The following ARPP19 variants were observed in gnomAD, a reference collection of about 807,000 sequenced individuals.
The protein encoded by ARPP19 is cAMP-regulated phosphoprotein 19.
Under a neutral mutation model 12.0 loss-of-function variants are expected in ARPP19, and 8 were observed. The ratio of observed to expected loss-of-function variants is 0.67; its 90% confidence interval spans 0.39 to 1.21. ARPP19 has a LOEUF of 1.21. Among genes scored for constraint, ARPP19 ranks in the 50% most tolerant of loss-of-function variants. The pLI, the probability that ARPP19 is intolerant of heterozygous loss-of-function variation, is 0.01. For synonymous variants in ARPP19, 47 were observed against 50.4 expected, an observed-to-expected ratio of 0.93 and a Z score of 0.29; for missense variants, 102 against 136.3, an observed-to-expected ratio of 0.75 and a Z score of 1.25.
In ARPP19 at chr15:52,550,169, T is replaced by A. The variant is rs2077915807; in HGVS notation, c.*1765A>T. 6.6e-6 allele frequency: 1 copy of A among 152,244 alleles called. No individual in the cohort carries two copies. Among genetic ancestry groups the A allele is most frequent in the Non-Finnish European group, 1.5e-5 (1 of 68,048 alleles). 9.4% of individuals were successfully genotyped at this position (152,244 alleles called of 1,614,324 possible). A position where few individuals can be genotyped will look rare whatever the true frequency, so the allele number is the denominator to read the frequency against. On this transcript the variant is annotated 3_prime_UTR_variant, in exon 3 of 3. Transcript: ENST00000249822. ...CTCAAGCTACTGATCCTGAGTATCA[T>A]GCTACAGCATTACAACTACTTGTGA... is the stretch of plus-strand genomic sequence containing the variant.
At chr15:52,552,165 G>T in intron 2 of ARPP19, 61 bp from the exon 3 acceptor site, 2 of 940,352 alleles carry the variant, frequency 2.1e-6, no homozygotes, top group Non-Finnish European at 3.4e-6. Context: ...TTAAGATGTC[G>T]ATGCAACCCC....
rs1199176919 is a variant in ARPP19 at position 52,549,845 on chromosome 15, T to C, written c.*2089A>G. ...TTAAATTGATTCTATAATGAGTATATACTTGCTCTCATTACAAATATATAT... is the reference window on the plus strand; with the variant it reads ...TTAAATTGATTCTATAATGAGTATACACTTGCTCTCATTACAAATATATAT... On this transcript the variant is annotated 3_prime_UTR_variant, in exon 3 of 3. Transcript: ENST00000249822. The C allele has an allele frequency of 1.3e-5, 2 of 151,914 alleles. No individual in the cohort carries two copies. The highest frequency in any genetic ancestry group is 3.9e-4 in the East Asian group (2 of 5,190). The allele number at this position is 151,914 out of a possible 1,614,324, so 9.4% of individuals were successfully genotyped here.
chr15:52,567,886 G>C (rs1195443911), intron 1 of ARPP19, among the ~76,000 whole-genome samples: 1 of 152,058 alleles, frequency 6.6e-6, no homozygotes, highest in Non-Finnish European at 1.5e-5. Context: ...GACCAAAATC[G>C]TATTTAACGG....
rs1334566439 is a variant in ARPP19, at chr15:52,548,938, TAA to T, written c.*2994_*2995del. 6.6e-6 allele frequency: 1 copy of T among 152,652 alleles called. No homozygotes were observed. The highest frequency in any genetic ancestry group is 2.4e-5 in the African/African-American group (1 of 41,456). 9.5% of individuals were successfully genotyped at this position (152,652 alleles called of 1,614,324 possible). On this transcript the variant is annotated 3_prime_UTR_variant, in exon 3 of 3. Coordinates refer to ENST00000249822, the MANE Select transcript of ARPP19 (RefSeq NM_006628.6). ...CACCAGGCTTTCCTTGATGAATAGTTAAGACATATTTTTAGGTCATCAGCACA... is the reference window on the plus strand; with the variant it reads ...CACCAGGCTTTCCTTGATGAATAGTTGACATATTTTTAGGTCATCAGCACA...
Position 52,551,260 on chromosome 15 carries a change from C to G in ARPP19, c.*674G>C, listed in dbSNP as rs2077927914. ...ATTCAACAGTTAATGCACATGCATA[C>G]TTCATTCACATCTTCAACAACAAAA... On this transcript the variant is annotated 3_prime_UTR_variant, in exon 3 of 3. Coordinates refer to ENST00000249822, the MANE Select transcript of ARPP19 (RefSeq NM_006628.6). The G allele has an allele frequency of 1.3e-5, 2 of 152,688 alleles. No homozygotes were observed. Among genetic ancestry groups the G allele is most frequent in the Non-Finnish European group, 2.9e-5 (2 of 68,052 alleles). The allele number at this position is 152,688 out of a possible 1,614,324, so 9.5% of individuals were successfully genotyped here. A position where few individuals can be genotyped will look rare whatever the true frequency, so the allele number is the denominator to read the frequency against.
At chr15:52,552,877 A>G (rs940280209) in intron 2 of ARPP19, among the ~76,000 whole-genome samples, 1 of 152,016 alleles carries the variant, frequency 6.6e-6, no homozygotes, top group Non-Finnish European at 1.5e-5. Context: ...AGGAGTTTGA[A>G]ACCAGAACGG....
At chr15:52,569,114 A>C, upstream of ARPP19, 1 of 534,654 alleles carries the variant, frequency 1.9e-6, no homozygotes. Context: ...ACCCCTACCT[A>C]CTTGACCCCG....
chr15:52,552,502 CAT>C (rs2077943240), intron 2 of ARPP19, among the ~76,000 whole-genome samples: 1 of 145,518 alleles, frequency 6.9e-6, no homozygotes, highest in South Asian at 2.1e-4. Flanking sequence ...GCTTAAGAGT[CAT>C]GTGAACCTGG....
chr15:52,548,739 A>G lies in ARPP19; in HGVS notation c.*3195T>C, dbSNP rs1468124385. On this transcript the variant is annotated 3_prime_UTR_variant, in exon 3 of 3. Coordinates refer to ENST00000249822, the MANE Select transcript of ARPP19 (RefSeq NM_006628.6). Reference sequence around the variant, plus strand: ...GTCTTGGAATGTATCTCTTACAGATAAGGGGAGACTACTGTATTACATTTC... The same window carrying G: ...GTCTTGGAATGTATCTCTTACAGATGAGGGGAGACTACTGTATTACATTTC... The G allele has an allele frequency of 6.6e-6, 1 of 152,580 alleles. No homozygotes were observed. Among genetic ancestry groups the G allele is most frequent in the Non-Finnish European group, 1.5e-5 (1 of 68,090 alleles). 9.5% of individuals were successfully genotyped at this position (152,580 alleles called of 1,614,324 possible).
chr15:52,569,403 TCCACTCTG>T (rs1195329978), upstream of ARPP19, among the ~76,000 whole-genome samples: 1 of 152,224 alleles, frequency 6.6e-6, no homozygotes, highest in Non-Finnish European at 1.5e-5. Flanking sequence ...AAAGTCTTGC[TCCACTCTG>T]CCACGCCTTC....
chr15:52,565,478 G>A (rs1034290795), intron 1 of ARPP19, among the ~76,000 whole-genome samples: 2 of 152,184 alleles, frequency 1.3e-5, no homozygotes, highest in Non-Finnish European at 2.9e-5. Flanking sequence ...GCAAATATAA[G>A]CATATTCTGG....
chr15:52,560,132 A>G (rs1472864164), intron 1 of ARPP19, among the ~76,000 whole-genome samples: 1 of 152,110 alleles, frequency 6.6e-6, no homozygotes, highest in Non-Finnish European at 1.5e-5. Flanking sequence ...CATTTGATAT[A>G]TAAAGGAAAA....
intron 2 of ARPP19, among the ~76,000 whole-genome samples, chr15:52,552,583 CAAAAAAAAAAA>C (rs10600080): frequency 5.0e-5 from 3 of 59,680 alleles, no homozygotes; most frequent in Admixed American, 3.9e-4. Flanking sequence ...GACTGTCTCA[CAAAAAAAAAAA>C]AAAAAAAAAA....
At chr15:52,568,445 C>A (rs2078106577) in intron 1 of ARPP19, 1 of 165,200 alleles carries the variant, frequency 6.1e-6, no homozygotes, top group Non-Finnish European at 1.3e-5. Flanking sequence ...ACACGAGGCA[C>A]TGCTTTTGGA....
At chr15:52,569,412 C>T (rs2078120608), upstream of ARPP19, among the ~76,000 whole-genome samples, 1 of 152,242 alleles carries the variant, frequency 6.6e-6, no homozygotes, top group Non-Finnish European at 1.5e-5. Context: ...CTCCACTCTG[C>T]CACGCCTTCA....
intron 1 of ARPP19, among the ~76,000 whole-genome samples, chr15:52,563,030 C>T (rs911931014): frequency 2.6e-5 from 4 of 151,858 alleles, no homozygotes; most frequent in African/African-American, 4.8e-5. Context: ...TGCCCATCAC[C>T]GCACCTGGCT....
intron 2 of ARPP19, 50 bp downstream of exon 2, chr15:52,557,050 T>C: frequency 6.3e-7 from 1 of 1,592,034 alleles, no homozygotes; most frequent in Non-Finnish European, 8.6e-7. Context: ...TCTGTCAGCA[T>C]ACTGAGTTTG....
In ARPP19 at chr15:52,547,670, A is replaced by C. The variant is rs2141711651; in HGVS notation, c.*4264T>G. On this transcript the variant is annotated 3_prime_UTR_variant, in exon 3 of 3. Transcript: ENST00000249822. ...GACAGAGTGAGATATCTTTGATTAC[A>C]ATTTTATAAGGTGTGGTGGGGAATT... 6.6e-6 allele frequency: 1 copy of C among 152,364 alleles called. No homozygotes were observed. The highest frequency in any genetic ancestry group is 2.1e-4 in the South Asian group (1 of 4,834). 9.4% of individuals were successfully genotyped at this position (152,364 alleles called of 1,614,324 possible).
At position 52,551,838 on chromosome 15, in the gene ARPP19, A is replaced by G; in HGVS notation, c.*96T>C. On this transcript the variant is annotated 3_prime_UTR_variant, in exon 3 of 3. Transcript: ENST00000249822. ...TGCTACCTGCAAAGCTGTCAGTCTC[A>G]AATGACTAGTGAATGAAAGGAAATA... 1.1e-6 allele frequency: 1 copy of G among 931,438 alleles called. No individual in the cohort carries two copies. The allele number at this position is 931,438 out of a possible 1,614,324, so 57.7% of individuals were successfully genotyped here. A position where few individuals can be genotyped will look rare whatever the true frequency, so the allele number is the denominator to read the frequency against.
Sources: allele counts gnomAD v4.1 joint callset (sites outside exome capture counted in the v4.1 genomes callset), GRCh38; gene constraint gnomAD v4.1.1; transcripts MANE v1.5; gene names NCBI Gene and HGNC (gene_info 2026-07-23, HGNC 2026-07-21).